The following PCDHA8 variants were observed in gnomAD, a reference collection of about 807,000 sequenced individuals.
The protein encoded by PCDHA8 is protocadherin alpha 8, also known as protocadherin alpha-8.
In PCDHA8, 53 loss-of-function variants were observed where a neutral mutation model predicts 61.8. The observed-to-expected ratio is 0.86, with a 90% CI of 0.69 to 1.08. The LOEUF is 1.08. PCDHA8 is among the 50% of genes least tolerant of loss of function. The probability of loss-of-function intolerance (pLI) is 0.00; values close to 1 mark genes in which losing one functional copy is unlikely to be tolerated. For missense variants in PCDHA8, 1,293 were observed against 1,245.0 expected, an observed-to-expected ratio of 1.04 and a Z score of -0.58; for synonymous variants, 618 against 556.6, an observed-to-expected ratio of 1.11 and a Z score of -1.55.
chr5:140,841,800 C>A lies in PCDHA8; in HGVS notation c.479C>A (p.Ala160Glu). The part of the protein sequence containing the change: ...SRFPLEGASD[A>E]DVGANSVLTY... ...TTTCCGCTAGAGGGCGCGTCCGATG[C>A]AGATGTTGGAGCTAACTCCGTGTTA... is the stretch of plus-strand genomic sequence containing the variant. Residue 160 changes from alanine to glutamate, a missense_variant, in exon 1 of 4, where the codon GCA becomes GAA. Physicochemically the swap from Ala to Glu is moderately radical, Grantham distance 107. Transcript: ENST00000531613. The A allele has an allele frequency of 6.2e-7, 1 of 1,613,890 alleles. No individual in the cohort carries two copies. Among genetic ancestry groups the A allele is most frequent in the South Asian group, 1.1e-5 (1 of 91,076 alleles).
At chr5:140,964,566 G>A (rs2095840528) in intron 1 of PCDHA8, among the ~76,000 whole-genome samples, 1 of 152,168 alleles carries the variant, frequency 6.6e-6, no homozygotes, top group Non-Finnish European at 1.5e-5. Context: ...GGGCTGGGAG[G>A]AGATAAGGGG....
chr5:140,887,781 T>C (rs2061576427), intron 1 of PCDHA8, among the ~76,000 whole-genome samples: 2 of 152,338 alleles, frequency 1.3e-5, no homozygotes, highest in African/African-American at 4.8e-5. Flanking sequence ...ACACAGGTCA[T>C]TGAAGCGTTC....
chr5:140,960,665 G>A (rs1180311598), intron 1 of PCDHA8, among the ~76,000 whole-genome samples: 2 of 152,066 alleles, frequency 1.3e-5, no homozygotes, highest in Non-Finnish European at 2.9e-5. Context: ...TGAATGCTTT[G>A]GCTAAAACCT....
At chr5:140,893,575 T>C (rs930167579) in intron 1 of PCDHA8, among the ~76,000 whole-genome samples, 6 of 152,220 alleles carry the variant, frequency 3.9e-5, no homozygotes, top group Non-Finnish European at 7.3e-5. Flanking sequence ...CCTCAGTTTT[T>C]GCTTGTTTGG....
At chr5:140,869,892 A>G in intron 1 of PCDHA8, 1 of 1,610,608 alleles carries the variant, frequency 6.2e-7, no homozygotes, top group Non-Finnish European at 8.5e-7. Context: ...TTGTGCTCAA[A>G]CTAAACGCCA....
rs1450871721 is a variant in PCDHA8, at chr5:140,999,541, C to T, written c.2543-10086C>T. 3.3e-5 allele frequency among the ~76,000 whole-genome samples: 5 copies of T among 152,150 alleles called. No individual in the cohort carries two copies. The East Asian group carries it at 9.7e-4, about 29-fold the overall frequency. On this transcript the variant is annotated intron_variant, in intron 3 of 3. Coordinates refer to ENST00000531613, the MANE Select transcript of PCDHA8 (RefSeq NM_018911.3). ...TTTGTTACCCCCTGGATATGACAGC[C>T]AATGAAGAGGGGGTATTTTGAGAAG...
intron 1 of PCDHA8, among the ~76,000 whole-genome samples, chr5:140,952,764 G>A (rs1554220603): frequency 6.6e-6 from 1 of 152,116 alleles, no homozygotes; most frequent in Non-Finnish European, 1.5e-5. Flanking sequence ...CCTGAGACTG[G>A]ATAATTTAGA....
chr5:140,928,902 C>T, intron 1 of PCDHA8: 1 of 1,614,164 alleles, frequency 6.2e-7, no homozygotes, highest in Non-Finnish European at 8.5e-7. Flanking sequence ...TTGAAGATGT[C>T]TGGGAACCAG....
intron 1 of PCDHA8, among the ~76,000 whole-genome samples, chr5:140,887,589 T>C (rs1271786236): frequency 6.6e-6 from 1 of 152,120 alleles, no homozygotes; most frequent in Non-Finnish European, 1.5e-5. Context: ...CTTTTGCAGA[T>C]TGATTGTGAT....
At chr5:140,883,402 C>G (rs2153393597) in intron 1 of PCDHA8, 1 of 1,614,192 alleles carries the variant, frequency 6.2e-7, no homozygotes, top group Middle Eastern at 1.6e-4. Context: ...CCGATCGTGA[C>G]TCTGGCTCAA....
At chr5:140,855,165 T>C (rs1172731300) in intron 1 of PCDHA8, among the ~76,000 whole-genome samples, 1 of 149,930 alleles carries the variant, frequency 6.7e-6, no homozygotes, top group Non-Finnish European at 1.5e-5. Context: ...TTGAGCCTCA[T>C]GAAAACAAAT....
intron 1 of PCDHA8, chr5:140,850,349 G>T (rs1554144220): frequency 1.9e-6 from 3 of 1,597,844 alleles, no homozygotes; most frequent in Non-Finnish European, 2.6e-6. Flanking sequence ...CGGCCAGCGC[G>T]AGCATCCCGT....
At chr5:140,854,518 G>A (rs1446011923) in intron 1 of PCDHA8, 1 of 149,946 alleles carries the variant, frequency 6.7e-6, no homozygotes, top group Non-Finnish European at 1.5e-5. Flanking sequence ...GATGGATTAA[G>A]TGACACCCAT....
At chr5:140,928,309 G>A (rs1554205732) in intron 1 of PCDHA8, 1 of 1,614,122 alleles carries the variant, frequency 6.2e-7, no homozygotes, top group Non-Finnish European at 8.5e-7. Context: ...CCAGGACCCC[G>A]ACCTGGGGAA....
intron 1 of PCDHA8, chr5:140,864,855 T>G (rs1173322611): frequency 1.3e-5 from 2 of 152,178 alleles, no homozygotes; most frequent in African/African-American, 4.8e-5. Flanking sequence ...CCATACATGA[T>G]GAAGGGTGAT....
chr5:140,849,032 C>T (rs2040752468), intron 1 of PCDHA8: 1 of 1,579,200 alleles, frequency 6.3e-7, no homozygotes, highest in Non-Finnish European at 8.6e-7. Flanking sequence ...AGTATTTCTT[C>T]CTGGACGTGC....
chr5:140,923,529 A>C lies in PCDHA8; in HGVS notation c.2395-55420A>C, dbSNP rs915297152. Among the ~76,000 whole-genome samples the C allele has an allele frequency of 1.5e-4, 23 of 152,138 alleles. 1 individual carries two copies. The highest frequency in any genetic ancestry group is 1.2e-3 in the Admixed American group (19 of 15,268). On this transcript the variant is annotated intron_variant, in intron 1 of 3. Transcript: ENST00000531613. ...GGATGATGAAGTGAGATTCTGTCCC[A>C]AAAAAAGGACAAAATGAAATATCAG... is the stretch of plus-strand genomic sequence containing the variant.
At chr5:140,872,095 C>G (rs2053482377) in intron 1 of PCDHA8, among the ~76,000 whole-genome samples, 1 of 152,150 alleles carries the variant, frequency 6.6e-6, no homozygotes, top group African/African-American at 2.4e-5. Context: ...GCACTTAGTC[C>G]ATTGGCTTTC....
chr5:140,851,824 T>C (rs1336167909), intron 1 of PCDHA8: 1 of 964,578 alleles, frequency 1.0e-6, no homozygotes, highest in Non-Finnish European at 1.3e-6. Context: ...CAGAAATCTG[T>C]TTTTTTAAAA....
Sources: allele counts gnomAD v4.1 joint callset (sites outside exome capture counted in the v4.1 genomes callset), GRCh38; gene constraint gnomAD v4.1.1; transcripts MANE v1.5; gene names NCBI Gene and HGNC (gene_info 2026-07-23, HGNC 2026-07-21).